FBXW7: variants seen among roughly 807,000 people sequenced by gnomAD.
The protein encoded by FBXW7 is F-box/WD repeat-containing protein 7.
FBXW7 carries 11 observed loss-of-function variants against 86.3 expected under a neutral mutation model. The ratio of observed to expected loss-of-function variants is 0.13; its 90% CI spans 0.08 to 0.21. FBXW7 has a LOEUF of 0.21. Among genes scored for constraint, FBXW7 ranks in the 10% least tolerant of loss-of-function variants. The probability of loss-of-function intolerance (pLI) is 1.00; values close to 1 mark genes in which losing one functional copy is unlikely to be tolerated. For missense variants in FBXW7, 488 were observed against 847.4 expected, an observed-to-expected ratio of 0.58 and a Z score of 5.27; for synonymous variants, 313 against 297.9, an observed-to-expected ratio of 1.05 and a Z score of -0.52.
chr4:152,424,194 T>C (rs1024372673), intron 2 of FBXW7, among the ~76,000 whole-genome samples: 3 of 152,056 alleles, frequency 2.0e-5, no homozygotes, highest in Non-Finnish European at 4.4e-5. Context: ...AAAATGTACA[T>C]TGGGATTCGG....
intron 2 of FBXW7, among the ~76,000 whole-genome samples, chr4:152,447,876 A>G (rs1741553110): frequency 6.6e-6 from 1 of 152,228 alleles, no homozygotes; most frequent in Non-Finnish European, 1.5e-5. Flanking sequence ...CTTCATTTAG[A>G]TAACACAGCA....
intron 2 of FBXW7, among the ~76,000 whole-genome samples, chr4:152,521,695 G>C (rs1167922199): frequency 6.6e-6 from 1 of 152,002 alleles, no homozygotes; most frequent in African/African-American, 2.4e-5. Context: ...GGACTAGAAG[G>C]GATCCCAAAG....
chr4:152,338,026 T>C lies in FBXW7; in HGVS notation c.727-90A>G, dbSNP rs1730335510. ...GAAAACTCACATCTACACACAACCA[T>C]AGTTGATCAGGGTAGAACTGTATAA... On this transcript the variant is annotated intron_variant, in intron 6 of 13. Transcript: ENST00000281708. 8.9e-6 allele frequency: 12 copies of C among 1,348,114 alleles called. No homozygotes were observed. The South Asian group carries it at 1.5e-4, about 16-fold the overall frequency. The allele number at this position is 1,348,114 out of a possible 1,614,324, so 83.5% of individuals were successfully genotyped here.
At chr4:152,357,782 CACAAATGTATTTATCT>C (rs1449646803) in intron 4 of FBXW7, among the ~76,000 whole-genome samples, 2 of 152,096 alleles carry the variant, frequency 1.3e-5, no homozygotes. Flanking sequence ...TGGACACATG[CACAAATGTATTTATCT>C]ACAAATATAT....
intron 4 of FBXW7, among the ~76,000 whole-genome samples, chr4:152,409,660 G>C (rs1414508148): frequency 2.6e-5 from 4 of 152,092 alleles, no homozygotes; most frequent in Admixed American, 1.3e-4. Flanking sequence ...TACGAAGGCA[G>C]ATCATCTCAT....
At chr4:152,329,545 G>A in intron 10 of FBXW7, 127 bp downstream of exon 10, 2 of 483,118 alleles carry the variant, frequency 4.1e-6, no homozygotes, top group Non-Finnish European at 7.2e-6. Flanking sequence ...TAAGTTATGA[G>A]CTCTGATATT....
chr4:152,481,473 GC>G (rs1444230181), intron 2 of FBXW7, among the ~76,000 whole-genome samples: 2 of 152,292 alleles, frequency 1.3e-5, no homozygotes, highest in African/African-American at 4.8e-5. Flanking sequence ...GGATTGAGAA[GC>G]CCTTTTGACT....
intron 7 of FBXW7, among the ~76,000 whole-genome samples, chr4:152,333,580 TTAAA>T (rs1189420476): frequency 2.6e-5 from 4 of 152,040 alleles, no homozygotes; most frequent in African/African-American, 7.2e-5. Flanking sequence ...GGAAAACAAT[TTAAA>T]TAGAGCAATT....
intron 2 of FBXW7, among the ~76,000 whole-genome samples, chr4:152,477,997 A>C (rs1744571082): frequency 6.6e-6 from 1 of 152,134 alleles, no homozygotes; most frequent in Non-Finnish European, 1.5e-5. Flanking sequence ...TGAAACAACA[A>C]AATTTTATTA....
intron 2 of FBXW7, among the ~76,000 whole-genome samples, chr4:152,466,200 T>C (rs1385021976): frequency 6.6e-6 from 1 of 152,162 alleles, no homozygotes; most frequent in Non-Finnish European, 1.5e-5. Context: ...AAATACACCT[T>C]CAACTGATCA....
At chr4:152,459,802 AT>A (rs540781749) in intron 2 of FBXW7, among the ~76,000 whole-genome samples, 136 of 152,358 alleles carry the variant, frequency 8.9e-4, no homozygotes, top group Non-Finnish European at 1.5e-3. Context: ...ATAAAGTTAT[AT>A]GAATGTGGTC....
Position 152,350,799 on chromosome 4 carries a change from G to A in FBXW7, c.502-675C>T, listed in dbSNP as rs1469751414. ...TATAGCTCTATTGACAGATACTCAG[G>A]ACAAAATATTCTAATTTGAAAAGCA... is the stretch of plus-strand genomic sequence containing the variant. On this transcript the variant is annotated intron_variant, in intron 4 of 13. Transcript: ENST00000281708. 5.9e-5 allele frequency among the ~76,000 whole-genome samples: 9 copies of A among 151,696 alleles called. No homozygotes were observed. In the East Asian group the frequency reaches 1.7e-3, roughly 29 times the overall value.
At chr4:152,531,040 G>T (rs1749984234) in intron 2 of FBXW7, among the ~76,000 whole-genome samples, 1 of 152,042 alleles carries the variant, frequency 6.6e-6, no homozygotes, top group Admixed American at 6.6e-5. Context: ...TGGCCTTTGG[G>T]GTCATCTGGT....
intron 4 of FBXW7, among the ~76,000 whole-genome samples, chr4:152,360,029 A>G (rs1732783155): frequency 6.6e-6 from 1 of 152,236 alleles, no homozygotes; most frequent in South Asian, 2.1e-4. Context: ...AACAGCATCT[A>G]TTAGACTTCT....
chr4:152,417,595 T>C (rs1346147283), intron 2 of FBXW7, among the ~76,000 whole-genome samples: 1 of 151,894 alleles, frequency 6.6e-6, no homozygotes, highest in African/African-American at 2.4e-5. Context: ...ATAATCCATA[T>C]AGTAAAGAAG....
At chr4:152,391,726 G>T (rs752322032) in intron 4 of FBXW7, among the ~76,000 whole-genome samples, 2 of 151,978 alleles carry the variant, frequency 1.3e-5, no homozygotes, top group Admixed American at 1.3e-4. Flanking sequence ...CATTATCCTT[G>T]TCTACTTGTT....
chr4:152,385,992 TA>T (rs1210473061), intron 4 of FBXW7, among the ~76,000 whole-genome samples: 1 of 151,908 alleles, frequency 6.6e-6, no homozygotes, highest in African/African-American at 2.4e-5. Flanking sequence ...CACGAAACAC[TA>T]AAAAAACAAA....
At chr4:152,398,248 A>G (rs1266106811) in intron 4 of FBXW7, among the ~76,000 whole-genome samples, 1 of 151,918 alleles carries the variant, frequency 6.6e-6, no homozygotes, top group African/African-American at 2.4e-5. Flanking sequence ...CTCTATCTAT[A>G]AGGTGCTATA....
At chr4:152,532,157 G>C (rs1265458014) in intron 2 of FBXW7, among the ~76,000 whole-genome samples, 1 of 152,158 alleles carries the variant, frequency 6.6e-6, no homozygotes, top group Non-Finnish European at 1.5e-5. Context: ...CTATTTTGCT[G>C]TTTTGAAACT....
Sources: allele counts gnomAD v4.1 joint callset (sites outside exome capture counted in the v4.1 genomes callset), GRCh38; gene constraint gnomAD v4.1.1; transcripts MANE v1.5; gene names NCBI Gene and HGNC (gene_info 2026-07-23, HGNC 2026-07-21).